Variants in SERPINE2 observed in about 807,000 individuals in gnomAD.
SERPINE2 encodes serpin family E member 2.
A neutral mutation model predicts 36.3 loss-of-function variants in SERPINE2; 14 were observed. That is an observed-to-expected ratio of 0.39 (90% CI 0.25 to 0.60). The LOEUF is 0.60. Among genes scored for constraint, SERPINE2 ranks in the 20% least tolerant of loss-of-function variants. The pLI, the probability that SERPINE2 is intolerant of heterozygous loss-of-function variation, is 0.57. For synonymous variants in SERPINE2, 192 were observed against 191.8 expected (o/e 1.00, Z -0.01); for missense variants, 418 against 499.6 (o/e 0.84, Z 1.56).
chr2:223,983,736 ATGTGTGTGTGTGTG>A (rs71058971), intron 5 of SERPINE2, among the ~76,000 whole-genome samples: 9,424 of 82,742 alleles, frequency 0.11, 387 homozygotes, highest in Non-Finnish European at 0.22. Flanking sequence ...ATGTGTGTAT[ATGTGTGTGTGTGTG>A]TGTGTGTGTG....
rs975022314 is a variant in SERPINE2 at position 223,980,520 on chromosome 2, T to A, written c.986-123A>T. ...CCAATTTTTAAAGTGTCAGAAGACA[T>A]GACCTCTGACAGTCCTGGTGTTGAA... On this transcript the variant is annotated intron_variant, in intron 6 of 8. Coordinates refer to ENST00000409304, the MANE Select transcript of SERPINE2 (RefSeq NM_001136528.2). 16 of 738,844 alleles carry A rather than the reference T, an allele frequency of 2.2e-5. No individual in the cohort carries two copies. The African/African-American group carries it at 2.8e-4, about 13-fold the overall frequency. The allele number at this position is 738,844 out of a possible 1,614,324, so 45.8% of individuals were successfully genotyped here. A position where few individuals can be genotyped will look rare whatever the true frequency, so the allele number is the denominator to read the frequency against.
At chr2:224,010,338 A>G in intron 1 of SERPINE2, 1 of 985,218 alleles carries the variant, frequency 1.0e-6, no homozygotes, top group Non-Finnish European at 1.2e-6. Flanking sequence ...ATGTTTAGGA[A>G]ATACCTTTTC....
intron 1 of SERPINE2, among the ~76,000 whole-genome samples, chr2:224,023,405 C>G (rs1574847098): frequency 6.6e-6 from 1 of 152,204 alleles, no homozygotes; most frequent in East Asian, 1.9e-4. Flanking sequence ...GGTGATCCAG[C>G]CTATGTTTAT....
At chr2:224,003,812 A>G (rs1249925898) in intron 1 of SERPINE2, among the ~76,000 whole-genome samples, 1 of 152,210 alleles carries the variant, frequency 6.6e-6, no homozygotes, top group Non-Finnish European at 1.5e-5. Context: ...CGTGGAGCCA[A>G]TGTGTCCCAC....
At position 224,031,270 on chromosome 2, in the gene SERPINE2, T is replaced by A. The variant is rs1285150772; in HGVS notation, c.-23+7829A>T. 1.0e-5 allele frequency: 10 copies of A among 984,902 alleles called. No homozygotes were observed. In the East Asian group the frequency reaches 3.4e-4, roughly 34 times the overall value. The allele number at this position is 984,902 out of a possible 1,614,324, so 61.0% of individuals were successfully genotyped here. Reference sequence around the variant, plus strand: ...CATACAGGCTGTGTGACCCCCCACATACTGCGTGACCGTGGACCCTTTATC... The same window carrying A: ...CATACAGGCTGTGTGACCCCCCACAAACTGCGTGACCGTGGACCCTTTATC... On this transcript the variant is annotated intron_variant, in intron 1 of 8. Coordinates refer to ENST00000409304, the MANE Select transcript of SERPINE2 (RefSeq NM_001136528.2).
At chr2:224,001,065 G>A (rs973606149) in intron 2 of SERPINE2, among the ~76,000 whole-genome samples, 6 of 152,154 alleles carry the variant, frequency 3.9e-5, no homozygotes, top group Admixed American at 1.3e-4. Flanking sequence ...CAGTGGTACC[G>A]TCGTTGCATC....
At chr2:223,977,790 C>A in intron 7 of SERPINE2, 163 bp from the exon 8 acceptor site, 1 of 586,086 alleles carries the variant, frequency 1.7e-6, no homozygotes, top group South Asian at 1.9e-5. Flanking sequence ...TCAATGGTCA[C>A]CATTTACTAA....
chr2:224,019,676 A>G (rs879377120), intron 1 of SERPINE2, among the ~76,000 whole-genome samples: 17 of 151,992 alleles, frequency 1.1e-4, no homozygotes, highest in Non-Finnish European at 1.8e-4. Context: ...TCTGTTGATT[A>G]CCATCATGTA....
At chr2:223,992,248 T>C (rs10933031) in intron 3 of SERPINE2, among the ~76,000 whole-genome samples, 94,302 of 151,922 alleles carry the variant, frequency 0.62, 29,725 homozygotes, top group Admixed American at 0.71. Context: ...GTTACAAAAC[T>C]TTTCATCAAG....
intron 1 of SERPINE2, among the ~76,000 whole-genome samples, chr2:224,010,795 T>C (rs1691599316): frequency 6.6e-6 from 1 of 152,230 alleles, no homozygotes. Context: ...CAGTAAATGC[T>C]GGCTCTCTTC....
At chr2:223,996,795 A>G (rs1559203398) in intron 3 of SERPINE2, among the ~76,000 whole-genome samples, 1 of 152,186 alleles carries the variant, frequency 6.6e-6, no homozygotes, top group Non-Finnish European at 1.5e-5. Context: ...AAGGCTCTAT[A>G]GCCAGGCACA....
chr2:224,020,433 A>C (rs1183953618), intron 1 of SERPINE2, among the ~76,000 whole-genome samples: 1 of 152,238 alleles, frequency 6.6e-6, no homozygotes, highest in Non-Finnish European at 1.5e-5. Context: ...TCTGGAAAGC[A>C]CCATCCCATA....
intron 1 of SERPINE2, among the ~76,000 whole-genome samples, chr2:224,014,317 G>A (rs1691725366): frequency 6.6e-6 from 1 of 152,140 alleles, no homozygotes; most frequent in African/African-American, 2.4e-5. Flanking sequence ...AGAGGTTGAA[G>A]TGAGCCAAGA....
At chr2:224,033,359 A>T (rs1574854426) in intron 1 of SERPINE2, among the ~76,000 whole-genome samples, 1 of 152,234 alleles carries the variant, frequency 6.6e-6, no homozygotes, top group Admixed American at 6.5e-5. Context: ...TATAGGCTTA[A>T]AAAAGTGAGA....
At chr2:224,010,763 T>C (rs1339639276) in intron 1 of SERPINE2, among the ~76,000 whole-genome samples, 2 of 152,218 alleles carry the variant, frequency 1.3e-5, no homozygotes, top group African/African-American at 2.4e-5. Flanking sequence ...ACCAGCCTAA[T>C]ACCTGGCTCA....
intron 4 of SERPINE2, among the ~76,000 whole-genome samples, chr2:223,987,734 G>A (rs1247904873): frequency 6.6e-6 from 1 of 152,190 alleles, no homozygotes; most frequent in Non-Finnish European, 1.5e-5. Context: ...GGTGTTTTGG[G>A]TGACCCAGTT....
At chr2:223,982,058 G>A (rs1232254732) in intron 6 of SERPINE2, 1 of 152,128 alleles carries the variant, frequency 6.6e-6, no homozygotes, top group African/African-American at 2.4e-5. Flanking sequence ...AAAATGTGGG[G>A]ACGCTGATTT....
intron 8 of SERPINE2, among the ~76,000 whole-genome samples, chr2:223,976,902 G>C (rs1451380690): frequency 6.6e-6 from 1 of 152,148 alleles, no homozygotes; most frequent in African/African-American, 2.4e-5. Flanking sequence ...ATATATCAAG[G>C]GCAGGACCAG....
rs1319437421 is a variant in SERPINE2 at position 223,983,749 on chromosome 2, TG to T, written c.885-969del. Among the ~76,000 whole-genome samples, 597 of 131,008 alleles carry T rather than the reference TG, an allele frequency of 4.6e-3. 4 individuals carry two copies. Among genetic ancestry groups the T allele is most frequent in the Non-Finnish European group, 5.5e-3 (307 of 55,770 alleles). The allele number at this position is 131,008 out of a possible 152,430, so 85.9% of individuals were successfully genotyped here. A position where few individuals can be genotyped will look rare whatever the true frequency, so the allele number is the denominator to read the frequency against. On this transcript the variant is annotated intron_variant, in intron 5 of 8. Coordinates refer to ENST00000409304, the MANE Select transcript of SERPINE2 (RefSeq NM_001136528.2). Reference sequence around the variant, plus strand: ...ATATGTGTGTATATGTGTGTGTGTGTGTGTGTGTGTGTGTGTAAATGTCAGT... The same window carrying T: ...ATATGTGTGTATATGTGTGTGTGTGTTGTGTGTGTGTGTGTAAATGTCAGT...
Sources: gnomAD v4.1 joint callset for allele counts (sites outside exome capture counted in the v4.1 genomes callset) on GRCh38, gnomAD v4.1.1 for gene constraint, MANE v1.5 for transcripts, NCBI Gene and HGNC (gene_info 2026-07-23, HGNC 2026-07-21) for gene names.